MRTFA: variants seen among roughly 807,000 people sequenced by gnomAD.
MRTFA encodes the protein myocardin-related transcription factor A.
MRTFA carries 20 observed loss-of-function variants against 83.5 expected under a neutral mutation model. That is an observed-to-expected ratio of 0.24 (90% confidence interval 0.17 to 0.35). The LOEUF (loss-of-function observed/expected upper bound fraction) is 0.35. Among genes scored for constraint, MRTFA ranks in the 10% least tolerant of loss-of-function variants. The pLI, the probability that MRTFA is intolerant of heterozygous loss-of-function variation, is 1.00. For missense variants in MRTFA, 1,200 were observed against 1,224.7 expected, an observed-to-expected ratio of 0.98 and a Z score of 0.30; for synonymous variants, 659 against 541.2, an observed-to-expected ratio of 1.22 and a Z score of -3.02.
At chr22:40,571,146 G>A (rs1453491426) in intron 2 of MRTFA, among the ~76,000 whole-genome samples, 1 of 151,456 alleles carries the variant, frequency 6.6e-6, no homozygotes, top group Non-Finnish European at 1.5e-5. Flanking sequence ...GAAGGTCAAG[G>A]TTGCAGTAAG....
At chr22:40,552,860 T>C (rs192225687) in intron 2 of MRTFA, among the ~76,000 whole-genome samples, 128 of 151,986 alleles carry the variant, frequency 8.4e-4, no homozygotes, top group African/African-American at 3.0e-3. Context: ...CAGGCAGAGG[T>C]TGGAACAGTT....
chr22:40,497,874 C>T lies in MRTFA; in HGVS notation c.242-34588G>A, dbSNP rs12106551. Among the ~76,000 whole-genome samples the T allele has an allele frequency of 4.2e-3, 635 of 152,248 alleles. 9 individuals carry two copies. The highest frequency in any genetic ancestry group is 0.014 in the African/African-American group (602 of 41,544). On this transcript the variant is annotated intron_variant, in intron 3 of 14. Coordinates refer to ENST00000355630, the MANE Select transcript of MRTFA (RefSeq NM_020831.6). ...CTTGGCCGGGCACAGTAGCTCACAC[C>T]TGTAATCCCAGCACTTTGGGAGGCC...
At position 40,515,723 on chromosome 22, in the gene MRTFA, C is replaced by A. The variant is rs538428153; in HGVS notation, c.241+36383G>T. 2.0e-5 allele frequency among the ~76,000 whole-genome samples: 3 copies of A among 152,284 alleles called. No homozygotes were observed. The South Asian group carries it at 6.2e-4, about 32-fold the overall frequency. On this transcript the variant is annotated intron_variant, in intron 3 of 14. Coordinates refer to ENST00000355630, the MANE Select transcript of MRTFA (RefSeq NM_020831.6). ...GAGGTAGGCAGGAACAGAGAAAATG[C>A]AGCCATGCATATCAGGAAACTCGCC... is the stretch of plus-strand genomic sequence containing the variant.
At chr22:40,498,274 T>TATATATATATATA (rs1491515144) in intron 3 of MRTFA, among the ~76,000 whole-genome samples, 2 of 37,774 alleles carry the variant, frequency 5.3e-5, no homozygotes, top group African/African-American at 1.1e-4. Context: ...TATATATATA[T>TATATATATATATA]TTTTTTTTTT....
intron 2 of MRTFA, among the ~76,000 whole-genome samples, chr22:40,574,816 A>G (rs1383644394): frequency 5.3e-5 from 8 of 152,146 alleles, no homozygotes; most frequent in African/African-American, 1.9e-4. Flanking sequence ...ACACCTTTTT[A>G]TATAAGGGAC....
intron 3 of MRTFA, among the ~76,000 whole-genome samples, chr22:40,470,280 TAA>T (rs1491576491): frequency 5.6e-5 from 6 of 106,402 alleles, no homozygotes; most frequent in African/African-American, 2.2e-4. Context: ...TATATATATA[TAA>T]AGAAACATAA....
In MRTFA at chr22:40,636,660, C is replaced by T. The variant is rs2056705784; in HGVS notation, c.-266G>A. On this transcript the variant is annotated 5_prime_UTR_variant, in exon 1 of 15. Transcript: ENST00000355630. The stretch of plus-strand genomic sequence containing the variant: ...AAAGATGGGACCGTCGCTCTCGCCG[C>T]CGCGGCCACCACAGACACTGCCGCC... The T allele has an allele frequency of 6.6e-6, 1 of 152,428 alleles. No individual in the cohort carries two copies. The allele number at this position is 152,428 out of a possible 1,614,324, so 9.4% of individuals were successfully genotyped here.
intron 3 of MRTFA, among the ~76,000 whole-genome samples, chr22:40,525,346 T>C (rs2054949382): frequency 1.3e-5 from 2 of 152,176 alleles, no homozygotes; most frequent in Admixed American, 1.3e-4. Flanking sequence ...TTTGTAAAGA[T>C]GGAATCTTGC....
At chr22:40,547,327 C>A (rs1274356729) in intron 3 of MRTFA, among the ~76,000 whole-genome samples, 1 of 151,730 alleles carries the variant, frequency 6.6e-6, no homozygotes, top group Admixed American at 6.6e-5. Flanking sequence ...CACACACACA[C>A]AATGACAGAT....
intron 4 of MRTFA, among the ~76,000 whole-genome samples, chr22:40,440,151 CA>C (rs376161982): frequency 4.7e-3 from 330 of 70,756 alleles, no homozygotes; most frequent in African/African-American, 3.9e-3. Flanking sequence ...GACTCCGTCT[CA>C]AAAAAAAAAA....
intron 3 of MRTFA, among the ~76,000 whole-genome samples, chr22:40,517,499 T>G (rs1031282503): frequency 4.6e-5 from 7 of 152,200 alleles, no homozygotes; most frequent in African/African-American, 1.7e-4. Flanking sequence ...CCAGGCCAGC[T>G]GGGTACAATC....
At chr22:40,534,850 C>T (rs560963207) in intron 3 of MRTFA, among the ~76,000 whole-genome samples, 2 of 152,096 alleles carry the variant, frequency 1.3e-5, no homozygotes, top group Non-Finnish European at 2.9e-5. Flanking sequence ...GCCAATAGCC[C>T]AGCGAATACC....
intron 4 of MRTFA, among the ~76,000 whole-genome samples, chr22:40,441,790 G>C (rs1298712194): frequency 6.6e-6 from 1 of 151,420 alleles, no homozygotes; most frequent in African/African-American, 2.4e-5. Context: ...CCATCTCGGG[G>C]GGAAAAAATA....
At chr22:40,564,840 C>T (rs1034953726) in intron 2 of MRTFA, among the ~76,000 whole-genome samples, 2 of 151,966 alleles carry the variant, frequency 1.3e-5, no homozygotes, top group African/African-American at 2.4e-5. Flanking sequence ...TTAGTAGACA[C>T]GGGATTTCAC....
At chr22:40,592,665 G>C in intron 2 of MRTFA, among the ~76,000 whole-genome samples, 1 of 151,652 alleles carries the variant, frequency 6.6e-6, no homozygotes, top group East Asian at 1.9e-4. Context: ...ATTTTTTTTG[G>C]TGTTTTTTGT....
At chr22:40,544,906 C>T (rs1215835010) in intron 3 of MRTFA, among the ~76,000 whole-genome samples, 1 of 151,312 alleles carries the variant, frequency 6.6e-6, no homozygotes, top group Non-Finnish European at 1.5e-5. Context: ...GCCTAGGCAA[C>T]AGAGCATGAC....
At chr22:40,636,077 C>G (rs1002736394) in intron 1 of MRTFA, among the ~76,000 whole-genome samples, 2 of 152,228 alleles carry the variant, frequency 1.3e-5, no homozygotes, top group Non-Finnish European at 2.9e-5. Context: ...CTGGGAATCC[C>G]AAGGACTGCA....
rs1555955142 is a variant in MRTFA, at chr22:40,410,301, G to GTTTAT, written c.*1084_*1088dup. The GTTTAT allele has an allele frequency of 6.9e-5, 38 of 548,166 alleles. No homozygotes were observed. The highest frequency in any genetic ancestry group is 8.3e-5 in the Non-Finnish European group (34 of 408,844). 34.0% of individuals were successfully genotyped at this position (548,166 alleles called of 1,614,324 possible). On this transcript the variant is annotated 3_prime_UTR_variant, in exon 15 of 15. Transcript: ENST00000355630. ...TGGACTAACAGGCCTGTGTTTTTGT[G>GTTTAT]TTTATTTTAAAAAGTTCACACACCT...
chr22:40,482,581 T>G (rs2054109196), intron 3 of MRTFA, among the ~76,000 whole-genome samples: 1 of 152,180 alleles, frequency 6.6e-6, no homozygotes, highest in South Asian at 2.1e-4. Flanking sequence ...GGAATGTGCT[T>G]CCTTTAGCAC....
Sources: allele counts gnomAD v4.1 joint callset (sites outside exome capture counted in the v4.1 genomes callset), GRCh38; gene constraint gnomAD v4.1.1; transcripts MANE v1.5; gene names NCBI Gene and HGNC (gene_info 2026-07-23, HGNC 2026-07-21).